The following WDPCP variants were observed in gnomAD, a reference collection of about 807,000 sequenced individuals.
WDPCP encodes WD repeat-containing and planar cell polarity effector protein fritz homolog.
Under a neutral mutation model 93.1 loss-of-function variants are expected in WDPCP, and 71 were observed. The observed-to-expected ratio is 0.76, with a 90% CI of 0.63 to 0.93. The LOEUF is 0.93. Ranked by LOEUF, WDPCP falls within the 40% of genes least tolerant of loss-of-function variation. The probability of loss-of-function intolerance (pLI) is 0.00; values close to 1 mark genes in which losing one functional copy is unlikely to be tolerated. For synonymous variants in WDPCP, 315 were observed against 315.0 expected (o/e 1.00, Z 0.00); for missense variants, 844 against 887.4 (o/e 0.95, Z 0.62).
At chr2:63,200,353 G>A (rs760648513) in intron 14 of WDPCP, among the ~76,000 whole-genome samples, 3 of 152,188 alleles carry the variant, frequency 2.0e-5, no homozygotes, top group African/African-American at 7.2e-5. Flanking sequence ...CTACTCAAAA[G>A]AAGGTATATT....
chr2:63,418,868 G>A (rs1167538792), intron 9 of WDPCP, among the ~76,000 whole-genome samples: 1 of 152,192 alleles, frequency 6.6e-6, no homozygotes, highest in Non-Finnish European at 1.5e-5. Context: ...AGAAACACAG[G>A]CAGTGAGTTA....
intron 12 of WDPCP, among the ~76,000 whole-genome samples, chr2:63,360,500 G>A (rs1690367283): frequency 1.3e-5 from 2 of 152,116 alleles, no homozygotes; most frequent in Non-Finnish European, 2.9e-5. Flanking sequence ...CCAAACATAG[G>A]TTTAACAGAG....
chr2:63,480,320 T>G (rs552795889), intron 6 of WDPCP, among the ~76,000 whole-genome samples: 18 of 152,086 alleles, frequency 1.2e-4, no homozygotes, highest in African/African-American at 4.3e-4. Context: ...CCAAAAGCAG[T>G]CTACAAATTC....
chr2:63,713,629 A>G (rs1669293032), intron 2 of WDPCP, among the ~76,000 whole-genome samples: 1 of 152,224 alleles, frequency 6.6e-6, no homozygotes, highest in Non-Finnish European at 1.5e-5. Context: ...TCATAATTAA[A>G]TGGTAATTAA....
At chr2:63,689,153 A>G (rs1230183442) in intron 2 of WDPCP, among the ~76,000 whole-genome samples, 1 of 152,218 alleles carries the variant, frequency 6.6e-6, no homozygotes, top group African/African-American at 2.4e-5. Context: ...GGCTTTGTGG[A>G]AAGTGGCAAA....
rs1709902695 is a variant in WDPCP at position 63,634,647 on chromosome 2, G to T, written n.488+16012C>A. ...ACAAAACAAGTCTTAACAAATTTAA[G>T]AAGCCGAAAAATTTACAAATATGTT... On this transcript the variant is annotated intron_variant and non_coding_transcript_variant, in intron 3 of 4. Coordinates refer to the WDPCP transcript ENST00000467687. Among the ~76,000 whole-genome samples, 3 of 152,094 alleles carry T rather than the reference G, an allele frequency of 2.0e-5. No individual in the cohort carries two copies. In the South Asian group the frequency reaches 6.2e-4, roughly 31 times the overall value.
chr2:63,645,438 G>A (rs906109746), intron 3 of WDPCP, among the ~76,000 whole-genome samples: 5 of 152,164 alleles, frequency 3.3e-5, no homozygotes, highest in South Asian at 2.1e-4. Context: ...GTTTACCCTT[G>A]AGAATGATCC....
rs180954246 is a variant in WDPCP, at chr2:63,501,588, T to C, written c.76-8648A>G. Among the ~76,000 whole-genome samples, 3 of 152,238 alleles carry C rather than the reference T, an allele frequency of 2.0e-5. No individual in the cohort carries two copies. In the East Asian group the frequency reaches 5.8e-4, roughly 29 times the overall value. ...TTCAAAAAAACAAAAAACTTTTAAA[T>C]GCATTAGGCCTCTGTCTGGTCCTTT... On this transcript the variant is annotated intron_variant, in intron 1 of 17. Transcript: ENST00000272321.
At chr2:63,546,464 G>C (rs1705160755) in intron 1 of WDPCP, among the ~76,000 whole-genome samples, 2 of 152,124 alleles carry the variant, frequency 1.3e-5, no homozygotes, top group Non-Finnish European at 1.5e-5. Context: ...TCCTACTCTA[G>C]AGAACTCCAA....
intron 14 of WDPCP, among the ~76,000 whole-genome samples, chr2:63,190,952 C>T (rs1449704810): frequency 6.6e-6 from 1 of 152,162 alleles, no homozygotes; most frequent in Non-Finnish European, 1.5e-5. Context: ...TGAATTATTG[C>T]TCGGAAGCAT....
chr2:63,168,158 CAT>C (rs978281887), intron 15 of WDPCP, among the ~76,000 whole-genome samples: 2 of 146,870 alleles, frequency 1.4e-5, no homozygotes, highest in African/African-American at 5.0e-5. Flanking sequence ...TCCTATTATT[CAT>C]ATCTCTCTAT....
At chr2:63,489,416 G>A (rs1575514487) in intron 2 of WDPCP, among the ~76,000 whole-genome samples, 1 of 152,092 alleles carries the variant, frequency 6.6e-6, no homozygotes, top group South Asian at 2.1e-4. Flanking sequence ...CATACATTCT[G>A]CAAGCTCTGT....
Position 63,121,300 on chromosome 2 carries a change from G to A in WDPCP, c.*706C>T, listed in dbSNP as rs1351944534. On this transcript the variant is annotated 3_prime_UTR_variant, in exon 18 of 18. Coordinates refer to ENST00000272321, the MANE Select transcript of WDPCP (RefSeq NM_015910.7). ...ACAATGGATCTGGGCTGAAAAATTT[G>A]CATAATAAATACTGTATTTGTAATG... The A allele has an allele frequency of 6.6e-6, 1 of 151,608 alleles. No individual in the cohort carries two copies. The highest frequency in any genetic ancestry group is 1.5e-5 in the Non-Finnish European group (1 of 67,956). 9.4% of individuals were successfully genotyped at this position (151,608 alleles called of 1,614,324 possible).
chr2:63,703,191 T>A (rs1669089564), intron 2 of WDPCP, among the ~76,000 whole-genome samples: 2 of 152,188 alleles, frequency 1.3e-5, no homozygotes. Context: ...TACGTGTGCA[T>A]GTGTCTTTAT....
intron 3 of WDPCP, among the ~76,000 whole-genome samples, chr2:63,615,270 T>A (rs1181113312): frequency 6.6e-6 from 1 of 152,136 alleles, no homozygotes; most frequent in Non-Finnish European, 1.5e-5. Context: ...TGGGCCTTAG[T>A]GAGCACATTC....
chr2:63,230,522 A>G (rs1394717011), intron 14 of WDPCP, among the ~76,000 whole-genome samples: 1 of 152,170 alleles, frequency 6.6e-6, no homozygotes, highest in Admixed American at 6.6e-5. Flanking sequence ...ACTGTCTTCC[A>G]CAATGGTTGA....
At position 63,404,205 on chromosome 2, in the gene WDPCP, CAG is replaced by C. The variant is rs1694373753; in HGVS notation, c.1276_1277del (p.Leu426AlafsTer4). 6.2e-7 allele frequency: 1 copy of C among 1,613,946 alleles called. No homozygotes were observed. Among genetic ancestry groups the C allele is most frequent in the Non-Finnish European group, 8.5e-7 (1 of 1,179,932 alleles). On this transcript the variant is annotated frameshift_variant, in exon 10 of 18. Coordinates refer to ENST00000272321, the MANE Select transcript of WDPCP (RefSeq NM_015910.7). LOFTEE classifies it high-confidence loss of function. ...LAEDRLPRET[L>X]QFSKLFDASS... ...AGGCATCAAATAATTTACTGAATTG[CAG>C]AGTCTCCCTGGGTAAGCGGTCTTCA...
chr2:63,267,975 T>C (rs1203071473), intron 13 of WDPCP, among the ~76,000 whole-genome samples: 1 of 152,170 alleles, frequency 6.6e-6, no homozygotes, highest in African/African-American at 2.4e-5. Context: ...TCTGGGTATA[T>C]ATCCAAAGGG....
At chr2:63,584,342 GAAC>G (rs1279712786) in intron 1 of WDPCP, among the ~76,000 whole-genome samples, 1 of 151,920 alleles carries the variant, frequency 6.6e-6, no homozygotes, top group Non-Finnish European at 1.5e-5. Context: ...TTGAAATCGT[GAAC>G]AACAGTATTT....
Sources: gnomAD v4.1 joint callset for allele counts (sites outside exome capture counted in the v4.1 genomes callset) on GRCh38, gnomAD v4.1.1 for gene constraint, MANE v1.5 for transcripts, NCBI Gene and HGNC (gene_info 2026-07-23, HGNC 2026-07-21) for gene names.